Variants in SEC16A observed in about 807,000 individuals in gnomAD.
SEC16A encodes the protein SEC16 homolog A, endoplasmic reticulum export factor, also known as protein transport protein Sec16A.
A neutral mutation model predicts 221.9 loss-of-function variants in SEC16A; 110 were observed. That is an observed-to-expected ratio of 0.50 (90% CI 0.42 to 0.58). The LOEUF (loss-of-function observed/expected upper bound fraction) is 0.58, where lower values mean the gene tolerates loss of function less well. Among genes scored for constraint, SEC16A ranks in the 20% least tolerant of loss-of-function variants. SEC16A has a pLI of 0.00. For synonymous variants in SEC16A, 1,393 were observed against 1,257.7 expected (o/e 1.11, Z -2.28); for missense variants, 3,165 against 3,097.8 (o/e 1.02, Z -0.52).
chr9:136,480,503 G>A (rs1057449337), intron 1 of SEC16A, among the ~76,000 whole-genome samples: 3 of 152,152 alleles, frequency 2.0e-5, no homozygotes, highest in African/African-American at 4.8e-5. Flanking sequence ...TAAAATGCGA[G>A]AATCGATGTG....
chr9:136,470,177 A>T (rs1204303771), intron 4 of SEC16A, among the ~76,000 whole-genome samples: 1 of 152,244 alleles, frequency 6.6e-6, no homozygotes, highest in African/African-American at 2.4e-5. Context: ...AGCAGAAAGG[A>T]TTCCCCAGAG....
At position 136,476,081 on chromosome 9, in the gene SEC16A, G is replaced by C. The variant is rs1441907486; in HGVS notation, c.1535C>G (p.Thr512Arg). Residue 512 changes from threonine (T) to arginine (R), a missense_variant, in exon 3 of 32, where the codon ACA (threonine) becomes AGA (arginine). Thr to Arg is a moderately conservative substitution (Grantham distance 71, BLOSUM62 -1). This residue lies in a region of SEC16A where 2,030 missense variants were observed against 1,923.1 expected (regional missense o/e 1.06). Coordinates refer to ENST00000684901, the MANE Select transcript of SEC16A (RefSeq NM_014866.2). ...AVCHTGAPDATLHTVHPDSVS... is the reference protein window; with the variant it reads ...AVCHTGAPDARLHTVHPDSVS... ...GCTGTCAGGGTGCACTGTATGCAGT[G>C]TGGCATCAGGGGCTCCGGTGTGGCA... The C allele has an allele frequency of 6.2e-7, 1 of 1,613,604 alleles. No homozygotes were observed. The highest frequency in any genetic ancestry group is 1.7e-5 in the Admixed American group (1 of 60,026).
In SEC16A at chr9:136,472,097, G is replaced by T. The variant is rs1403942624; in HGVS notation, c.3582C>A (p.Leu1194=). Residue 1194 remains leucine, a synonymous_variant, in exon 4 of 32, where the codon CTC becomes CTA. Transcript: ENST00000684901. ...CATAGGGCCTGTATCGAGGCTCATAGAGGCTGTAGACATCCTGTGGGAGGA... is the reference window on the plus strand; with the variant it reads ...CATAGGGCCTGTATCGAGGCTCATATAGGCTGTAGACATCCTGTGGGAGGA... The part of the protein sequence containing the change: ...ASLYYQDVYS[L]YEPRYRPYDG... The T allele has an allele frequency of 5.6e-6, 9 of 1,613,642 alleles. No homozygotes were observed. The South Asian group carries it at 9.9e-5, about 18-fold the overall frequency.
chr9:136,454,058 A>G, intron 21 of SEC16A, 51 bp downstream of exon 21: 1 of 1,468,734 alleles, frequency 6.8e-7, no homozygotes, highest in East Asian at 2.5e-5. Flanking sequence ...CCCCACAAAC[A>G]CCACACCCCA....
chr9:136,474,027 A>T (rs1588996480), intron 3 of SEC16A, 22 bp downstream of exon 3: 3 of 1,573,290 alleles, frequency 1.9e-6, no homozygotes, highest in Non-Finnish European at 2.6e-6. Flanking sequence ...AAAGTGGGTT[A>T]CACATACGAC....
rs1340054928 is a variant in SEC16A at position 136,466,612 on chromosome 9, A to G, written c.3930-150T>C. ...CGACACTCAGGGCCCTCTGACGTGCAACGTTAGAGAAGTACTGCGAATGCG... is the reference window on the plus strand; with the variant it reads ...CGACACTCAGGGCCCTCTGACGTGCGACGTTAGAGAAGTACTGCGAATGCG... On this transcript the variant is annotated intron_variant, in intron 6 of 31. Transcript: ENST00000684901. This position sits in a 1 kb window ranked among gnomAD's most constrained non-coding sequence, Gnocchi z 5.5. 2 of 744,396 alleles carry G rather than the reference A, an allele frequency of 2.7e-6. No homozygotes were observed. Among genetic ancestry groups the G allele is most frequent in the Middle Eastern group, 3.5e-4 (1 of 2,866 alleles). 46.1% of individuals were successfully genotyped at this position (744,396 alleles called of 1,614,324 possible). A position where few individuals can be genotyped will look rare whatever the true frequency, so the allele number is the denominator to read the frequency against.
In SEC16A at chr9:136,476,025, C is replaced by T. The variant is rs1402630519; in HGVS notation, c.1591G>A (p.Gly531Arg). 14 of 1,613,294 alleles carry T rather than the reference C, an allele frequency of 8.7e-6. No homozygotes were observed. The highest frequency in any genetic ancestry group is 3.3e-5 in the Admixed American group (2 of 60,008). ...VSSSYSSRSH[G>R]RLSGSARPQE... Reference sequence around the variant, plus strand: ...GGCCTGGCTGAGCCTGAGAGCCTTCCGTGGCTTCTGCTGCTATAGCTGGAT... The same window carrying T: ...GGCCTGGCTGAGCCTGAGAGCCTTCTGTGGCTTCTGCTGCTATAGCTGGAT... The change falls in exon 3 of 32, where the codon GGA becomes AGA. Residue 531 changes from glycine (G) to arginine (R), a missense_variant. Around this residue, in one of 3 missense-constraint regions of SEC16A, gnomAD observed 2,030 missense variants for 1,923.1 expected, o/e 1.06. Coordinates refer to ENST00000684901, the MANE Select transcript of SEC16A (RefSeq NM_014866.2).
chr9:136,460,730 T>C (rs748490335), intron 13 of SEC16A, among the ~76,000 whole-genome samples: 12 of 151,758 alleles, frequency 7.9e-5, no homozygotes, highest in Non-Finnish European at 1.5e-4. Flanking sequence ...CTGGCCAACA[T>C]GGCAAAACCC....
At chr9:136,477,820 A>G in intron 2 of SEC16A, 136 bp from the exon 3 acceptor site, 1 of 846,892 alleles carries the variant, frequency 1.2e-6, no homozygotes, top group Non-Finnish European at 1.7e-6. Context: ...TCTCTCCCCT[A>G]CACCCCACCC....
In SEC16A at chr9:136,466,315, G is replaced by A. The variant is rs762755614; in HGVS notation, c.4077C>T (p.Ser1359=). 1.8e-5 allele frequency: 29 copies of A among 1,569,662 alleles called. No individual in the cohort carries two copies. In the South Asian group the frequency reaches 2.5e-4, roughly 14 times the overall value. The change falls in exon 7 of 32, where the codon AGC becomes AGT. Residue 1359 remains serine (S), a synonymous_variant. Coordinates refer to ENST00000684901, the MANE Select transcript of SEC16A (RefSeq NM_014866.2). This position sits in a 1 kb window ranked among gnomAD's most constrained non-coding sequence, Gnocchi z 5.5. ...TGCGGCGGCTGGCCAGGCTGTGTGC[G>A]CTGTGCAGGCTCCGTGCCGAGTGCT... is the stretch of plus-strand genomic sequence containing the variant. ...HSEHSARSLH[S]AHSLASRRSS... is the part of the protein sequence containing the mutation.
chr9:136,456,785 G>A (rs1392600691), intron 18 of SEC16A, among the ~76,000 whole-genome samples: 1 of 152,184 alleles, frequency 6.6e-6, no homozygotes, highest in Non-Finnish European at 1.5e-5. Context: ...AAGAAACTGA[G>A]GCCTGCAGCA....
upstream of SEC16A, chr9:136,483,904 C>T: frequency 1.5e-6 from 1 of 684,432 alleles, no homozygotes; most frequent in Non-Finnish European, 1.8e-6. Flanking sequence ...CACCGAGCGG[C>T]GCCGGAAGTT....
At chr9:136,442,222 T>G (rs1326184901) in intron 31 of SEC16A, among the ~76,000 whole-genome samples, 1 of 152,202 alleles carries the variant, frequency 6.6e-6, no homozygotes, top group East Asian at 1.9e-4. Flanking sequence ...GCATCCACTC[T>G]TGCTCCCTCG....
At position 136,440,332 on chromosome 9, in the gene SEC16A, G is replaced by A. The variant is rs1218830411; in HGVS notation, c.*1423C>T. ...GGACTGGCCTTTCTCCAAGTGACAAGGACAAATGGATCCAGCGGGACACGC... is the reference window on the plus strand; with the variant it reads ...GGACTGGCCTTTCTCCAAGTGACAAAGACAAATGGATCCAGCGGGACACGC... On this transcript the variant is annotated 3_prime_UTR_variant, in exon 32 of 32. Coordinates refer to ENST00000684901, the MANE Select transcript of SEC16A (RefSeq NM_014866.2). 6.6e-6 allele frequency: 1 copy of A among 152,366 alleles called. No homozygotes were observed. The highest frequency in any genetic ancestry group is 1.5e-5 in the Non-Finnish European group (1 of 68,044). The allele number at this position is 152,366 out of a possible 1,614,324, so 9.4% of individuals were successfully genotyped here.
intron 9 of SEC16A, 33 bp from the exon 10 acceptor site, chr9:136,463,773 C>A: frequency 6.2e-7 from 1 of 1,609,290 alleles, no homozygotes; most frequent in Non-Finnish European, 8.5e-7. Context: ...CAGTGGCAGC[C>A]AGTGCGCAGC....
chr9:136,483,739 T>G, upstream of SEC16A: 1 of 985,198 alleles, frequency 1.0e-6, no homozygotes, highest in Non-Finnish European at 1.2e-6. Flanking sequence ...CGCGGGGCCC[T>G]GACGCGGGCG....
intron 17 of SEC16A, among the ~76,000 whole-genome samples, chr9:136,458,130 A>ATTTTTTT (rs1222002410): frequency 8.6e-6 from 1 of 116,246 alleles, no homozygotes; most frequent in Non-Finnish European, 1.8e-5. Flanking sequence ...TAATTTTTGT[A>ATTTTTTT]TTTTTTTTTT....
chr9:136,447,480 T>A lies in SEC16A; in HGVS notation c.6559+89A>T, dbSNP rs1837170224. On this transcript the variant is annotated intron_variant, in intron 26 of 31. Transcript: ENST00000684901. The surrounding 1 kb of genome is among the most constrained non-coding windows in gnomAD (Gnocchi z 5.5). ...ACGCAGGGACGTGCGGGAAGCCACC[T>A]CCTCCCCACGCACAACAGCTACACA... 2.6e-6 allele frequency: 4 copies of A among 1,537,032 alleles called. No homozygotes were observed. Among genetic ancestry groups the A allele is most frequent in the South Asian group, 2.3e-5 (2 of 86,340 alleles).
At chr9:136,451,165 T>G in intron 23 of SEC16A, 91 bp downstream of exon 23, 1 of 1,310,614 alleles carries the variant, frequency 7.6e-7, no homozygotes, top group Non-Finnish European at 1.1e-6. Flanking sequence ...TATTTGCATG[T>G]GTGGTGAATT....
Sources: gnomAD v4.1 joint callset for allele counts (sites outside exome capture counted in the v4.1 genomes callset) on GRCh38, gnomAD v4.1.1 for gene constraint, gnomAD v4.1.1 regional missense constraint, Gnocchi (gnomAD v3.1) non-coding constraint, MANE v1.5 for transcripts, NCBI Gene and HGNC (gene_info 2026-07-23, HGNC 2026-07-21) for gene names.